Variants in RAB8A observed in about 807,000 individuals in gnomAD.
The protein encoded by RAB8A is RAB8A, member RAS oncogene family.
A neutral mutation model predicts 29.2 loss-of-function variants in RAB8A; 5 were observed. That is an observed-to-expected ratio of 0.17 (90% CI 0.09 to 0.36). The LOEUF is 0.36. Ranked by LOEUF, RAB8A falls within the 10% of genes least tolerant of loss-of-function variation. The pLI is 1.00. For synonymous variants in RAB8A, 108 were observed against 99.9 expected, an observed-to-expected ratio of 1.08 and a Z score of -0.49; for missense variants, 171 against 272.2, an observed-to-expected ratio of 0.63 and a Z score of 2.62.
chr19:16,130,222 G>A (rs1027651797), intron 7 of RAB8A, among the ~76,000 whole-genome samples: 15 of 151,970 alleles, frequency 9.9e-5, no homozygotes, highest in African/African-American at 3.1e-4. Flanking sequence ...CTTTCTTGAT[G>A]GAATCAAACA....
At chr19:16,114,301 A>C (rs1156369074) in intron 1 of RAB8A, among the ~76,000 whole-genome samples, 1 of 151,752 alleles carries the variant, frequency 6.6e-6, no homozygotes, top group African/African-American at 2.4e-5. Context: ...GAAAGAAAGA[A>C]ATGATGTTAA....
In RAB8A at chr19:16,119,071, G is replaced by T. The variant is rs376515840; in HGVS notation, c.185+785G>T. Reference sequence around the variant, plus strand: ...CCAAACCAGGCAAGTGCCTTTGAGTGGGAGCAGTGTGCCAGGAGATGGGCC... The same window carrying T: ...CCAAACCAGGCAAGTGCCTTTGAGTTGGAGCAGTGTGCCAGGAGATGGGCC... On this transcript the variant is annotated intron_variant, in intron 2 of 7. Transcript: ENST00000300935. Among the ~76,000 whole-genome samples, 74 of 152,288 alleles carry T rather than the reference G, an allele frequency of 4.9e-4. 1 individual carries two copies. The South Asian group carries it at 0.015, about 30-fold the overall frequency.
In RAB8A at chr19:16,132,104, G is replaced by A; in HGVS notation, c.532-108G>A. The A allele has an allele frequency of 2.3e-6, 2 of 868,878 alleles. No individual in the cohort carries two copies. Among genetic ancestry groups the A allele is most frequent in the Non-Finnish European group, 3.7e-6 (2 of 538,550 alleles). The allele number at this position is 868,878 out of a possible 1,614,324, so 53.8% of individuals were successfully genotyped here. Reference sequence around the variant, plus strand: ...TGGTTGGTTGGTTGGTTGGTTGGTTGGATGGTTGGATGGATGGTTAGGTGG... The same window carrying A: ...TGGTTGGTTGGTTGGTTGGTTGGTTAGATGGTTGGATGGATGGTTAGGTGG... On this transcript the variant is annotated intron_variant, in intron 7 of 7. Transcript: ENST00000300935. The surrounding 1 kb of genome is among the most constrained non-coding windows in gnomAD (Gnocchi z 5.6).
At chr19:16,119,804 T>TG (rs530415864) in intron 2 of RAB8A, among the ~76,000 whole-genome samples, 2 of 94,772 alleles carry the variant, frequency 2.1e-5, no homozygotes, top group African/African-American at 4.5e-5. Context: ...AAATGACTGG[T>TG]TTTTTTTTTT....
chr19:16,131,327 G>T (rs2090923369), intron 7 of RAB8A, among the ~76,000 whole-genome samples: 1 of 152,208 alleles, frequency 6.6e-6, no homozygotes, highest in Non-Finnish European at 1.5e-5. Context: ...ATTATCAGTT[G>T]TAAGAGAATT....
At chr19:16,113,102 T>C (rs770730833) in intron 1 of RAB8A, among the ~76,000 whole-genome samples, 1 of 152,200 alleles carries the variant, frequency 6.6e-6, no homozygotes, top group African/African-American at 2.4e-5. Flanking sequence ...AGTTGTGATG[T>C]CCACAGAAGT....
intron 1 of RAB8A, among the ~76,000 whole-genome samples, chr19:16,115,824 C>G (rs2090843812): frequency 6.6e-6 from 1 of 152,116 alleles, no homozygotes; most frequent in Admixed American, 6.5e-5. Flanking sequence ...AGGGAGCTTA[C>G]GTTTGAGAGG....
At chr19:16,130,641 T>G (rs1156900702) in intron 7 of RAB8A, among the ~76,000 whole-genome samples, 1 of 152,146 alleles carries the variant, frequency 6.6e-6, no homozygotes, top group Admixed American at 6.6e-5. Context: ...TTCTTTTAGT[T>G]TTCTTATTAG....
At chr19:16,118,024 A>G (rs528459496) in intron 1 of RAB8A, among the ~76,000 whole-genome samples, 2 of 152,112 alleles carry the variant, frequency 1.3e-5, no homozygotes, top group Non-Finnish European at 2.9e-5. Context: ...TTTGCTCTGC[A>G]CTGCTCCCAT....
At chr19:16,131,798 G>T (rs927222669) in intron 7 of RAB8A, among the ~76,000 whole-genome samples, 1 of 151,608 alleles carries the variant, frequency 6.6e-6, no homozygotes, top group Non-Finnish European at 1.5e-5. Flanking sequence ...GTGGATAGAC[G>T]GATGGAAGGG....
rs1472643170 is a variant in RAB8A, at chr19:16,122,741, AT to A, written c.246+932del. Among the ~76,000 whole-genome samples, 1 of 152,068 alleles carries A rather than the reference AT, an allele frequency of 6.6e-6. No individual in the cohort carries two copies. The highest frequency in any genetic ancestry group is 1.5e-5 in the Non-Finnish European group (1 of 68,020). On this transcript the variant is annotated intron_variant, in intron 3 of 7. Coordinates refer to ENST00000300935, the MANE Select transcript of RAB8A (RefSeq NM_005370.5). This position sits in a 1 kb window ranked among gnomAD's most constrained non-coding sequence, Gnocchi z 4.7. ...GAGGGTGGAGATGGAAGGAGGCATTATGTGTTTAGAGCATCCCACACGGCAT... is the reference window on the plus strand; with the variant it reads ...GAGGGTGGAGATGGAAGGAGGCATTAGTGTTTAGAGCATCCCACACGGCAT...
rs750145818 is a variant in RAB8A, at chr19:16,127,440, G to A, written c.328G>A (p.Ala110Thr). The change falls in exon 5 of 8, where the codon GCC (alanine) becomes ACC (threonine). Residue 110 changes from alanine (A) to threonine (T), a missense_variant. Physicochemically the swap from Ala to Thr is moderately conservative, Grantham distance 58. Coordinates refer to ENST00000300935, the MANE Select transcript of RAB8A (RefSeq NM_005370.5). This position sits in a 1 kb window ranked among gnomAD's most constrained non-coding sequence, Gnocchi z 4.8. Reference sequence around the variant, plus strand: ...CGTCTGTCCCCCTCCCTCTCAGCACGCCTCTGCAGACGTCGAAAAGATGAT... The same window carrying A: ...CGTCTGTCCCCCTCCCTCTCAGCACACCTCTGCAGACGTCGAAAAGATGAT... ...RNWIRNIEEH[A>T]SADVEKMILG... 1.0e-5 allele frequency: 15 copies of A among 1,491,876 alleles called. 1 individual carries two copies. The highest frequency in any genetic ancestry group is 8.6e-5 in the South Asian group (6 of 69,796). The allele number at this position is 1,491,876 out of a possible 1,614,324, so 92.4% of individuals were successfully genotyped here. A position where few individuals can be genotyped will look rare whatever the true frequency, so the allele number is the denominator to read the frequency against.
chr19:16,128,170 C>T (rs958047721), intron 6 of RAB8A, 79 bp downstream of exon 6: 18 of 1,476,162 alleles, frequency 1.2e-5, no homozygotes, highest in African/African-American at 8.4e-5. Flanking sequence ...TGGCGTCCTC[C>T]GAGGAGGTCC....
rs1599395371 is a variant in RAB8A, at chr19:16,118,367, T to TC, written c.185+84dup. 3.0e-6 allele frequency: 4 copies of TC among 1,316,818 alleles called. No individual in the cohort carries two copies. The East Asian group carries it at 9.3e-5, about 30-fold the overall frequency. The allele number at this position is 1,316,818 out of a possible 1,614,324, so 81.6% of individuals were successfully genotyped here. A position where few individuals can be genotyped will look rare whatever the true frequency, so the allele number is the denominator to read the frequency against. On this transcript the variant is annotated intron_variant, in intron 2 of 7. Transcript: ENST00000300935. Reference sequence around the variant, plus strand: ...AGCCCTTGGCCTTCTCCCTCCACCGTCCCTGTGACCTTGGCCTCCATTTCT... The same window carrying TC: ...AGCCCTTGGCCTTCTCCCTCCACCGTCCCCTGTGACCTTGGCCTCCATTTCT...
chr19:16,132,205 A>T lies in RAB8A; in HGVS notation c.532-7A>T. 1.9e-6 allele frequency: 3 copies of T among 1,610,366 alleles called. No individual in the cohort carries two copies. The highest frequency in any genetic ancestry group is 2.5e-6 in the Non-Finnish European group (3 of 1,176,696). On this transcript the variant is annotated splice_region_variant and splice_polypyrimidine_tract_variant and intron_variant, in intron 7 of 7. Coordinates refer to ENST00000300935, the MANE Select transcript of RAB8A (RefSeq NM_005370.5). This position sits in a 1 kb window ranked among gnomAD's most constrained non-coding sequence, Gnocchi z 5.6. ...TGATAACCTCAGAAAACCTCTTGTG[A>T]TTTCAGGAAGGCAACAGCCCCCAGG... is the stretch of plus-strand genomic sequence containing the variant.
intron 1 of RAB8A, among the ~76,000 whole-genome samples, chr19:16,113,806 A>G (rs2090834430): frequency 6.6e-6 from 1 of 151,664 alleles, no homozygotes; most frequent in African/African-American, 2.4e-5. Context: ...AATGTGCACT[A>G]CCCCTCTCTG....
intron 1 of RAB8A, among the ~76,000 whole-genome samples, chr19:16,114,048 C>T (rs1171194592): frequency 2.0e-5 from 3 of 152,128 alleles, no homozygotes; most frequent in Non-Finnish European, 4.4e-5. Context: ...TGTGCTCCAA[C>T]CAATCAAGAA....
chr19:16,132,079 T>TGGTG lies in RAB8A; in HGVS notation c.532-130_532-129insGGGT. 1.5e-6 allele frequency: 1 copy of TGGTG among 685,628 alleles called. No homozygotes were observed. The highest frequency in any genetic ancestry group is 1.8e-5 in the South Asian group (1 of 56,696). The allele number at this position is 685,628 out of a possible 1,614,324, so 42.5% of individuals were successfully genotyped here. A position where few individuals can be genotyped will look rare whatever the true frequency, so the allele number is the denominator to read the frequency against. On this transcript the variant is annotated intron_variant, in intron 7 of 7. Transcript: ENST00000300935. This position sits in a 1 kb window ranked among gnomAD's most constrained non-coding sequence, Gnocchi z 5.6. ...GGCTGGTTTGATTGGTTTGGTTGTT[T>TGGTG]GGTTGGTTGGTTGGTTGGTTGGTTG... is the stretch of plus-strand genomic sequence containing the variant.
intron 1 of RAB8A, 99 bp from the exon 2 acceptor site, chr19:16,118,127 C>T (rs557695428): frequency 2.0e-6 from 2 of 999,190 alleles, no homozygotes; most frequent in East Asian, 4.9e-5. Flanking sequence ...TCTCCGTAAG[C>T]CACAACAGCT....
Sources: allele counts gnomAD v4.1 joint callset (sites outside exome capture counted in the v4.1 genomes callset), GRCh38; gene constraint gnomAD v4.1.1; non-coding constraint Gnocchi (gnomAD v3.1); transcripts MANE v1.5; gene names NCBI Gene and HGNC (gene_info 2026-07-23, HGNC 2026-07-21).